The following SLC47A2 variants were observed in gnomAD, a reference collection of about 807,000 sequenced individuals.
SLC47A2 encodes the protein multidrug and toxin extrusion protein 2.
A neutral mutation model predicts 67.7 loss-of-function variants in SLC47A2; 52 were observed. The ratio of observed to expected loss-of-function variants is 0.77; its 90% CI spans 0.61 to 0.97. The LOEUF (loss-of-function observed/expected upper bound fraction) is 0.97. SLC47A2 is among the 50% of genes least tolerant of loss of function. The pLI is 0.00. For missense variants in SLC47A2, 676 were observed against 712.3 expected (o/e 0.95, Z 0.58); for synonymous variants, 278 against 292.9 (o/e 0.95, Z 0.52).
At chr17:19,712,366 G>A (rs975811426) in intron 5 of SLC47A2, among the ~76,000 whole-genome samples, 3 of 152,076 alleles carry the variant, frequency 2.0e-5, no homozygotes, top group East Asian at 1.9e-4. Flanking sequence ...CAGCCTGGGT[G>A]ACAGAGCAAG....
At chr17:19,699,696 C>T (rs2085743881) in intron 13 of SLC47A2, among the ~76,000 whole-genome samples, 1 of 152,202 alleles carries the variant, frequency 6.6e-6, no homozygotes, top group African/African-American at 2.4e-5. Flanking sequence ...GGTATGCTGG[C>T]ATGAGCTCTA....
At chr17:19,694,491 G>C (rs986377384) in intron 13 of SLC47A2, among the ~76,000 whole-genome samples, 2 of 152,204 alleles carry the variant, frequency 1.3e-5, no homozygotes, top group Non-Finnish European at 2.9e-5. Flanking sequence ...ATTTTCAACT[G>C]TGTTTCCAAG....
intron 16 of SLC47A2, 50 bp downstream of exon 16, chr17:19,679,902 C>T: frequency 6.4e-7 from 1 of 1,560,830 alleles, no homozygotes; most frequent in East Asian, 2.3e-5. Context: ...AGCAACATGC[C>T]ACTGACATTT....
intron 13 of SLC47A2, chr17:19,692,355 A>G: frequency 2.4e-6 from 1 of 411,316 alleles, no homozygotes; most frequent in Non-Finnish European, 4.7e-6. Context: ...AGAAATGAAA[A>G]TGAGAGCATC....
intron 4 of SLC47A2, 24 bp downstream of exon 4, chr17:19,713,801 C>A: frequency 6.3e-7 from 1 of 1,595,854 alleles, no homozygotes; most frequent in Admixed American, 1.7e-5. Context: ...CAAGCCCCAC[C>A]TCCCCAGCCG....
intron 7 of SLC47A2, 39 bp from the exon 8 acceptor site, chr17:19,707,882 ACT>A: frequency 1.3e-6 from 2 of 1,527,850 alleles, no homozygotes; most frequent in Non-Finnish European, 1.8e-6. Flanking sequence ...ACTGATGCCA[ACT>A]CTCTGCCACC....
intron 13 of SLC47A2, among the ~76,000 whole-genome samples, chr17:19,697,771 GT>G (rs2085697160): frequency 7.0e-6 from 1 of 143,192 alleles, no homozygotes; most frequent in African/African-American, 2.6e-5. Context: ...TTTTTTTAAT[GT>G]TTTGTAGAGA....
rs1167278587 is a variant in SLC47A2, at chr17:19,707,784, T to C, written c.689A>G (p.Tyr230Cys). The part of the protein sequence containing the change: ...QFAQTVFLLL[Y>C]IVLKKLHLET... Reference sequence around the variant, plus strand: ...CAGGTGCAGCTTCTTCAGCACAATGTAGAGAAGGAGGAAGACGGTCTGTGC... The same window carrying C: ...CAGGTGCAGCTTCTTCAGCACAATGCAGAGAAGGAGGAAGACGGTCTGTGC... The change falls in exon 8 of 17, where the codon TAC (tyrosine) becomes TGC (cysteine). Residue 230 changes from tyrosine to cysteine, a missense_variant. Transcript: ENST00000433844. 1 of 1,603,046 alleles carries C rather than the reference T, an allele frequency of 6.2e-7. No individual in the cohort carries two copies. The highest frequency in any genetic ancestry group is 8.5e-7 in the Non-Finnish European group (1 of 1,175,020).
At chr17:19,679,047 A>G in intron 16 of SLC47A2, 141 bp from the exon 17 acceptor site, 1 of 662,382 alleles carries the variant, frequency 1.5e-6, no homozygotes, top group Non-Finnish European at 2.7e-6. Context: ...GTAGAAAAAT[A>G]ACTGCTTTAT....
Position 19,713,936 on chromosome 17 carries a change from A to T in SLC47A2, c.332T>A (p.Ile111Asn). The change falls in exon 4 of 17, where the codon ATC becomes AAC. Residue 111 changes from isoleucine (I) to asparagine (N), a missense_variant. Coordinates refer to ENST00000433844, the MANE Select transcript of SLC47A2 (RefSeq NM_001099646.3). ...GSPNKKHVGV[I>N]LQRGALVLLL... ...CAGGACCAGCGCGCCCCGCTGCAGGATCACGCCCACGTGCTTCTTGTTGGG... is the reference window on the plus strand; with the variant it reads ...CAGGACCAGCGCGCCCCGCTGCAGGTTCACGCCCACGTGCTTCTTGTTGGG... The T allele has an allele frequency of 1.2e-6, 2 of 1,613,524 alleles. No homozygotes were observed. The highest frequency in any genetic ancestry group is 1.7e-6 in the Non-Finnish European group (2 of 1,179,702).
chr17:19,684,803 A>G (rs1165468903), intron 13 of SLC47A2, among the ~76,000 whole-genome samples: 2 of 151,996 alleles, frequency 1.3e-5, no homozygotes, highest in Non-Finnish European at 2.9e-5. Context: ...TAAAAAAACT[A>G]CTTTTCGCCC....
chr17:19,687,287 A>G (rs2085448769), intron 13 of SLC47A2, among the ~76,000 whole-genome samples: 1 of 152,214 alleles, frequency 6.6e-6, no homozygotes, highest in Non-Finnish European at 1.5e-5. Flanking sequence ...ATACAATGAA[A>G]GCAGTACTAA....
chr17:19,700,367 G>C (rs751701930), intron 13 of SLC47A2, among the ~76,000 whole-genome samples: 2 of 152,204 alleles, frequency 1.3e-5, no homozygotes, highest in African/African-American at 2.4e-5. Flanking sequence ...CAAGCCCTCA[G>C]GCCCTGGTAA....
Position 19,681,675 on chromosome 17 carries a change from G to C in SLC47A2, c.1165-5C>G. Reference sequence around the variant, plus strand: ...CAGAACTCCGCCATAGACACACTAGGAGGGGAGACAGAAATGGGCAAGAGT... The same window carrying C: ...CAGAACTCCGCCATAGACACACTAGCAGGGGAGACAGAAATGGGCAAGAGT... On this transcript the variant is annotated splice_polypyrimidine_tract_variant and splice_region_variant and intron_variant, in intron 13 of 16. Coordinates refer to ENST00000433844, the MANE Select transcript of SLC47A2 (RefSeq NM_001099646.3). 6.2e-7 allele frequency: 1 copy of C among 1,606,768 alleles called. No homozygotes were observed. The highest frequency in any genetic ancestry group is 8.5e-7 in the Non-Finnish European group (1 of 1,175,002).
At position 19,708,348 on chromosome 17, in the gene SLC47A2, C is replaced by T. The variant is rs147034810; in HGVS notation, c.583G>A (p.Gly195Ser). 43 of 1,613,666 alleles carry T rather than the reference C, an allele frequency of 2.7e-5. No homozygotes were observed. Among genetic ancestry groups the T allele is most frequent in the Middle Eastern group, 1.7e-4 (1 of 5,824 alleles). The change falls in exon 7 of 17, where the codon GGT becomes AGT. Residue 195 changes from glycine (G) to serine (S), a missense_variant. Coordinates refer to ENST00000433844, the MANE Select transcript of SLC47A2 (RefSeq NM_001099646.3). ...LSGVVGNCVNGVANYALVSVL... is the reference protein window; with the variant it reads ...LSGVVGNCVNSVANYALVSVL... ...GAAACCAGGGCATAGTTGGCCACAC[C>T]GTTGACACAGTTGCCCACCACACCA...
intron 13 of SLC47A2, among the ~76,000 whole-genome samples, chr17:19,695,492 C>CAA (rs2085639488): frequency 7.2e-5 from 1 of 13,920 alleles, no homozygotes; most frequent in African/African-American, 2.9e-4. Context: ...AAAAAAAAAA[C>CAA]AAAGAACAAA....
At chr17:19,711,830 A>G (rs1341659085) in intron 5 of SLC47A2, among the ~76,000 whole-genome samples, 1 of 152,020 alleles carries the variant, frequency 6.6e-6, no homozygotes, top group African/African-American at 2.4e-5. Flanking sequence ...ATGATTCACA[A>G]AGATTTTTTT....
intron 15 of SLC47A2, among the ~76,000 whole-genome samples, chr17:19,681,082 G>A (rs948553645): frequency 1.1e-4 from 17 of 152,248 alleles, no homozygotes; most frequent in African/African-American, 3.1e-4. Context: ...GCGTGGTGGC[G>A]GGTGCCTGTA....
chr17:19,688,283 T>C lies in SLC47A2; in HGVS notation c.1165-6613A>G, dbSNP rs563871028. Among the ~76,000 whole-genome samples, 299 of 152,152 alleles carry C rather than the reference T, an allele frequency of 2.0e-3. 1 individual carries two copies. The highest frequency in any genetic ancestry group is 6.8e-3 in the African/African-American group (283 of 41,514). ...AAAACCATATGATTTCAATTGATGC[T>C]GAAAAGCATTTGATGAAATTCAACA... On this transcript the variant is annotated intron_variant, in intron 13 of 16. Transcript: ENST00000433844.
Sources: allele counts gnomAD v4.1 joint callset (sites outside exome capture counted in the v4.1 genomes callset), GRCh38; gene constraint gnomAD v4.1.1; transcripts MANE v1.5; gene names NCBI Gene and HGNC (gene_info 2026-07-23, HGNC 2026-07-21).